TRPS1: variants seen among roughly 807,000 people sequenced by gnomAD.
The protein encoded by TRPS1 is zinc finger transcription factor Trps1.
In TRPS1, 6 loss-of-function variants were observed where a neutral mutation model predicts 101.2. The observed-to-expected ratio is 0.06, with a 90% confidence interval of 0.03 to 0.12. The LOEUF is 0.12. TRPS1 is among the 10% of genes least tolerant of loss of function. The pLI, the probability that TRPS1 is intolerant of heterozygous loss-of-function variation, is 1.00. For synonymous variants in TRPS1, 578 were observed against 589.8 expected, an observed-to-expected ratio of 0.98 and a Z score of 0.29; for missense variants, 1,363 against 1,567.0, an observed-to-expected ratio of 0.87 and a Z score of 2.20.
At chr8:115,556,341 T>C (rs1322169402) in intron 5 of TRPS1, among the ~76,000 whole-genome samples, 1 of 152,156 alleles carries the variant, frequency 6.6e-6, no homozygotes, top group Non-Finnish European at 1.5e-5. Flanking sequence ...TTCTGAACTT[T>C]TTTTTACTGA....
intron 5 of TRPS1, among the ~76,000 whole-genome samples, chr8:115,516,366 GAAA>G (rs1815711967): frequency 6.6e-6 from 1 of 151,310 alleles, no homozygotes; most frequent in Admixed American, 6.6e-5. Flanking sequence ...ATATTTCTAA[GAAA>G]TTTAAGTTAG....
intron 5 of TRPS1, among the ~76,000 whole-genome samples, chr8:115,549,475 A>G (rs561678290): frequency 1.6e-4 from 25 of 152,164 alleles, no homozygotes; most frequent in Non-Finnish European, 8.8e-5. Flanking sequence ...AATTGGTAAG[A>G]ATGTTCTCAT....
chr8:115,436,097 T>A (rs1471316002), intron 5 of TRPS1, among the ~76,000 whole-genome samples: 1 of 151,206 alleles, frequency 6.6e-6, no homozygotes, highest in East Asian at 1.9e-4. Context: ...AAGCCTTTAA[T>A]CATTACTCAT....
At chr8:115,432,856 AT>A (rs1813355669) in intron 5 of TRPS1, among the ~76,000 whole-genome samples, 7 of 151,750 alleles carry the variant, frequency 4.6e-5, no homozygotes, top group Admixed American at 4.6e-4. Context: ...AAGATATGAC[AT>A]TGTGAACAGC....
intron 5 of TRPS1, among the ~76,000 whole-genome samples, chr8:115,521,919 T>C (rs1179121993): frequency 6.6e-6 from 1 of 151,982 alleles, no homozygotes; most frequent in African/African-American, 2.4e-5. Flanking sequence ...TAAAATTTGG[T>C]TTAATGTCCT....
intron 4 of TRPS1, among the ~76,000 whole-genome samples, chr8:115,597,330 G>A (rs982704504): frequency 4.0e-5 from 6 of 151,832 alleles, no homozygotes; most frequent in African/African-American, 1.4e-4. Flanking sequence ...GGATATAAAG[G>A]GATCTCTTTC....
chr8:115,558,107 C>T (rs1304296132), intron 5 of TRPS1, among the ~76,000 whole-genome samples: 2 of 150,802 alleles, frequency 1.3e-5, no homozygotes, highest in East Asian at 3.9e-4. Context: ...AAAAAAAAGG[C>T]TTTGCATTTC....
intron 5 of TRPS1, among the ~76,000 whole-genome samples, chr8:115,438,305 T>TA (rs1813507145): frequency 6.6e-6 from 1 of 152,174 alleles, no homozygotes; most frequent in South Asian, 2.1e-4. Flanking sequence ...GCTCTACCTG[T>TA]AAAAGGCATA....
rs543751321 is a variant in TRPS1, at chr8:115,411,738, C to T, written c.*2285G>A. On this transcript the variant is annotated 3_prime_UTR_variant, in exon 7 of 7. Coordinates refer to ENST00000395715, the MANE Select transcript of TRPS1 (RefSeq NM_014112.5). The stretch of plus-strand genomic sequence containing the variant: ...GTGAGATCAGAATAAGGCCCGTTAA[C>T]AATGAAACTGAAGCAGAGGACTTAG... 1 of 152,274 alleles carries T rather than the reference C, an allele frequency of 6.6e-6. No homozygotes were observed. The highest frequency in any genetic ancestry group is 1.5e-5 in the Non-Finnish European group (1 of 67,962). The allele number at this position is 152,274 out of a possible 1,614,324, so 9.4% of individuals were successfully genotyped here. A position where few individuals can be genotyped will look rare whatever the true frequency, so the allele number is the denominator to read the frequency against.
At chr8:115,646,790 T>C (rs1819034439) in intron 1 of TRPS1, among the ~76,000 whole-genome samples, 1 of 152,140 alleles carries the variant, frequency 6.6e-6, no homozygotes, top group Non-Finnish European at 1.5e-5. Flanking sequence ...AAGGTCATGG[T>C]TTTCTCTTAA....
chr8:115,612,132 A>G (rs1818182975), intron 3 of TRPS1, among the ~76,000 whole-genome samples: 1 of 125,710 alleles, frequency 8.0e-6, no homozygotes, highest in South Asian at 2.9e-4. Flanking sequence ...AAGATAAAAG[A>G]AGGAGGACAG....
chr8:115,615,432 C>A (rs1276027138), intron 3 of TRPS1, among the ~76,000 whole-genome samples: 1 of 152,188 alleles, frequency 6.6e-6, no homozygotes, highest in Non-Finnish European at 1.5e-5. Flanking sequence ...TGCAGGCCTC[C>A]ATTCAGTAAT....
At chr8:115,575,995 C>A (rs925231072) in intron 5 of TRPS1, among the ~76,000 whole-genome samples, 2 of 152,060 alleles carry the variant, frequency 1.3e-5, no homozygotes, top group Admixed American at 6.6e-5. Context: ...ACAAAACAGG[C>A]ATCATCGCTC....
chr8:115,604,362 T>G lies in TRPS1; in HGVS notation c.1607A>C (p.Tyr536Ser). The G allele has an allele frequency of 1.2e-6, 2 of 1,614,062 alleles. No individual in the cohort carries two copies. Among genetic ancestry groups the G allele is most frequent in the Non-Finnish European group, 1.7e-6 (2 of 1,179,986 alleles). Residue 536 changes from tyrosine (Y) to serine (S), a missense_variant, in exon 4 of 7, where the codon TAT becomes TCT. By Grantham distance (144) the Tyr-to-Ser change is moderately radical (BLOSUM62 -2). Transcript: ENST00000395715. The surrounding 1 kb of genome is among the most constrained non-coding windows in gnomAD (Gnocchi z 4.1). ...TCGGAAGTCACAGAACTGACAATTA[T>G]AGCTCGTTACCATATTATCCTCGGC... ...KGAEDNMVTS[Y>S]NCQFCDFRYS...
chr8:115,560,457 G>C (rs374980540), intron 5 of TRPS1, among the ~76,000 whole-genome samples: 1 of 152,204 alleles, frequency 6.6e-6, no homozygotes, highest in African/African-American at 2.4e-5. Context: ...TAAATATCTA[G>C]GTTACTTTGT....
At chr8:115,500,231 C>T (rs903074949) in intron 5 of TRPS1, among the ~76,000 whole-genome samples, 2 of 151,838 alleles carry the variant, frequency 1.3e-5, no homozygotes, top group African/African-American at 2.4e-5. Context: ...GGTTTCACCA[C>T]GTTGGCCAGG....
At chr8:115,625,343 G>A (rs898842995) in intron 1 of TRPS1, among the ~76,000 whole-genome samples, 10 of 151,836 alleles carry the variant, frequency 6.6e-5, no homozygotes, top group Admixed American at 1.3e-4. Context: ...TACAATAAGG[G>A]AATTTGAATA....
chr8:115,566,820 G>A (rs912305284), intron 5 of TRPS1, among the ~76,000 whole-genome samples: 1 of 152,012 alleles, frequency 6.6e-6, no homozygotes, highest in Non-Finnish European at 1.5e-5. Flanking sequence ...AATTAAAAAT[G>A]GTTTAGTGCC....
chr8:115,420,606 G>A (rs1327633492), intron 5 of TRPS1, among the ~76,000 whole-genome samples: 2 of 152,138 alleles, frequency 1.3e-5, no homozygotes, highest in Non-Finnish European at 1.5e-5. Context: ...GTGTAATCCT[G>A]ATTTCAGTGA....
Sources: gnomAD v4.1 joint callset for allele counts (sites outside exome capture counted in the v4.1 genomes callset) on GRCh38, gnomAD v4.1.1 for gene constraint, Gnocchi (gnomAD v3.1) non-coding constraint, MANE v1.5 for transcripts, NCBI Gene and HGNC (gene_info 2026-07-23, HGNC 2026-07-21) for gene names.